TARBP1: variants seen among roughly 807,000 people sequenced by gnomAD.
The protein encoded by TARBP1 is tRNA (guanosine(18)-2'-O)-methyltransferase TARBP1.
A neutral mutation model predicts 178.6 loss-of-function variants in TARBP1; 144 were observed. The observed-to-expected ratio is 0.81, with a 90% CI of 0.70 to 0.93. TARBP1 has a LOEUF of 0.93. TARBP1 is among the 40% of genes least tolerant of loss of function. TARBP1 has a pLI of 0.00. For synonymous variants in TARBP1, 787 were observed against 781.0 expected, an observed-to-expected ratio of 1.01 and a Z score of -0.13; for missense variants, 2,067 against 2,011.7, an observed-to-expected ratio of 1.03 and a Z score of -0.53.
intron 13 of TARBP1, among the ~76,000 whole-genome samples, chr1:234,436,629 C>A (rs755776073): frequency 4.6e-5 from 7 of 152,116 alleles, no homozygotes; most frequent in Non-Finnish European, 7.4e-5. Flanking sequence ...AATAAAAGTT[C>A]TTAAAGTAAG....
At chr1:234,451,098 GTGCATATTAAAATAC>G (rs1464417826) in intron 9 of TARBP1, among the ~76,000 whole-genome samples, 3 of 152,066 alleles carry the variant, frequency 2.0e-5, no homozygotes, top group African/African-American at 7.2e-5. Flanking sequence ...TCTATCATAC[GTGCATATTAAAATAC>G]TGCATATTAA....
rs770997408 is a variant in TARBP1 at position 234,433,538 on chromosome 1, T to C, written c.2266A>G (p.Met756Val). 1 of 1,613,726 alleles carries C rather than the reference T, an allele frequency of 6.2e-7. No individual in the cohort carries two copies. Among genetic ancestry groups the C allele is most frequent in the Non-Finnish European group, 8.5e-7 (1 of 1,179,932 alleles). Residue 756 changes from methionine (M) to valine (V), a missense_variant, in exon 14 of 30, where the codon ATG becomes GTG. Transcript: ENST00000040877. The part of the protein sequence containing the change: ...SDLDRCHLYL[M>V]VLTELINLHL... ...AGATTTATAAGCTCAGTTAACACCA[T>C]CAGGTATAAATGGCAACGATCCAGA... is the stretch of plus-strand genomic sequence containing the variant.
At chr1:234,432,919 A>G (rs149787967) in intron 14 of TARBP1, among the ~76,000 whole-genome samples, 16 of 150,618 alleles carry the variant, frequency 1.1e-4, no homozygotes, top group African/African-American at 3.9e-4. Flanking sequence ...TGAAATGTCT[A>G]TATCTAAATG....
chr1:234,401,608 G>A (rs1034722599), intron 24 of TARBP1, among the ~76,000 whole-genome samples: 1 of 152,150 alleles, frequency 6.6e-6, no homozygotes, highest in African/African-American at 2.4e-5. Context: ...AATTTACTAT[G>A]AGCAGCGTTT....
At chr1:234,412,148 G>A (rs1181972695) in intron 22 of TARBP1, among the ~76,000 whole-genome samples, 1 of 152,172 alleles carries the variant, frequency 6.6e-6, no homozygotes, top group Non-Finnish European at 1.5e-5. Context: ...ATGGGCCTGG[G>A]CGCTGTGGCC....
At chr1:234,412,992 C>A (rs1468792014) in intron 22 of TARBP1, among the ~76,000 whole-genome samples, 1 of 152,066 alleles carries the variant, frequency 6.6e-6, no homozygotes, top group African/African-American at 2.4e-5. Context: ...GACCCGCCTG[C>A]GCCCCCTCGA....
At chr1:234,395,106 C>T (rs767006444) in intron 26 of TARBP1, among the ~76,000 whole-genome samples, 1 of 152,194 alleles carries the variant, frequency 6.6e-6, no homozygotes, top group African/African-American at 2.4e-5. Flanking sequence ...CGCCTATAAT[C>T]CCAGCTACTA....
Position 234,434,735 on chromosome 1 carries a change from A to G in TARBP1, c.2233-1164T>C, listed in dbSNP as rs556381010. On this transcript the variant is annotated intron_variant, in intron 13 of 29. Coordinates refer to ENST00000040877, the MANE Select transcript of TARBP1 (RefSeq NM_005646.4). ...AGAACTGAAGCTGGGGATGTAGATG[A>G]GATCATCAAGTGACAGGGGAGAGAA... Among the ~76,000 whole-genome samples, 19 of 151,904 alleles carry G rather than the reference A, an allele frequency of 1.3e-4. No individual in the cohort carries two copies. In the East Asian group the frequency reaches 3.7e-3, roughly 29 times the overall value.
chr1:234,472,329 CAAAAAAA>C (rs1160411119), intron 2 of TARBP1, among the ~76,000 whole-genome samples: 2 of 46,080 alleles, frequency 4.3e-5, no homozygotes, highest in Non-Finnish European at 8.6e-5. Flanking sequence ...ACTCTGTCTC[CAAAAAAA>C]AAAAAAAAAA....
At chr1:234,444,468 C>T (rs1184634250) in intron 12 of TARBP1, among the ~76,000 whole-genome samples, 1 of 152,150 alleles carries the variant, frequency 6.6e-6, no homozygotes, top group African/African-American at 2.4e-5. Context: ...TGATTAGGCA[C>T]AGTAAAGTGG....
At chr1:234,465,816 C>T in intron 4 of TARBP1, 108 bp from the exon 5 acceptor site, 1 of 1,007,884 alleles carries the variant, frequency 9.9e-7, no homozygotes, top group Non-Finnish European at 1.4e-6. Context: ...AGAAGACCTG[C>T]TATAAGCAAA....
At chr1:234,463,521 G>T (rs1021742844) in intron 6 of TARBP1, among the ~76,000 whole-genome samples, 1 of 152,020 alleles carries the variant, frequency 6.6e-6, no homozygotes, top group African/African-American at 2.4e-5. Context: ...ACCAAGTTCC[G>T]TATTTCTCAA....
chr1:234,394,787 C>T (rs1279938428), intron 26 of TARBP1, among the ~76,000 whole-genome samples: 1 of 152,118 alleles, frequency 6.6e-6, no homozygotes, highest in Non-Finnish European at 1.5e-5. Flanking sequence ...GCTTTGCATA[C>T]AATGATAAAG....
intron 12 of TARBP1, among the ~76,000 whole-genome samples, chr1:234,441,817 T>C (rs1451518253): frequency 6.6e-6 from 1 of 152,226 alleles, no homozygotes; most frequent in Non-Finnish European, 1.5e-5. Flanking sequence ...ATGTGGTCTT[T>C]AGTGATCACC....
chr1:234,414,137 T>C (rs901490899), intron 22 of TARBP1, among the ~76,000 whole-genome samples: 10 of 152,300 alleles, frequency 6.6e-5, no homozygotes, highest in African/African-American at 2.4e-4. Flanking sequence ...AAACATGGCT[T>C]TGTGGGCCAC....
intron 24 of TARBP1, among the ~76,000 whole-genome samples, chr1:234,404,405 G>A (rs942880818): frequency 2.0e-5 from 3 of 152,180 alleles, no homozygotes; most frequent in Non-Finnish European, 4.4e-5. Context: ...AACTTTGGTA[G>A]CTTGAGTTTG....
In TARBP1 at chr1:234,472,764, T is replaced by G; in HGVS notation, c.979A>C (p.Lys327Gln). The G allele has an allele frequency of 6.2e-7, 1 of 1,604,614 alleles. No homozygotes were observed. The change falls in exon 2 of 30, where the codon AAG (lysine) becomes CAG (glutamine). Residue 327 changes from lysine to glutamine, a missense_variant. Physicochemically the swap from Lys to Gln is moderately conservative, Grantham distance 53 (BLOSUM62 1). Transcript: ENST00000040877. ...ATTAAAATATAATTTTCCCAAAACTTTAGAAGCTCATCTTTTTTCCTCTCA... is the reference window on the plus strand; with the variant it reads ...ATTAAAATATAATTTTCCCAAAACTGTAGAAGCTCATCTTTTTTCCTCTCA... ...WSERKKDELL[K>Q]FWENYILIME...
At chr1:234,459,174 G>T in intron 8 of TARBP1, 56 bp downstream of exon 8, 1 of 1,360,160 alleles carries the variant, frequency 7.4e-7, no homozygotes, top group Non-Finnish European at 1.0e-6. Flanking sequence ...ACTCATTTCT[G>T]TACACCCACT....
rs578205204 is a variant in TARBP1, at chr1:234,424,827, CAAG to C, written c.3444+843_3444+845del. 5.6e-4 allele frequency among the ~76,000 whole-genome samples: 85 copies of C among 152,012 alleles called. 1 individual carries two copies. Among genetic ancestry groups the C allele is most frequent in the African/African-American group, 2.0e-3 (81 of 41,440 alleles). ...CTGTAATCCCAGCACTCTGGGAGGC[CAAG>C]GAGGGTGGATTACCTGAGGTCGGGA... On this transcript the variant is annotated intron_variant, in intron 20 of 29. Coordinates refer to ENST00000040877, the MANE Select transcript of TARBP1 (RefSeq NM_005646.4).
Sources: allele counts gnomAD v4.1 joint callset (sites outside exome capture counted in the v4.1 genomes callset), GRCh38; gene constraint gnomAD v4.1.1; transcripts MANE v1.5; gene names NCBI Gene and HGNC (gene_info 2026-07-23, HGNC 2026-07-21).